INSIG1: variants seen among roughly 807,000 people sequenced by gnomAD.
INSIG1 encodes the protein insulin-induced gene 1 protein.
Under a neutral mutation model 26.5 loss-of-function variants are expected in INSIG1, and 14 were observed. The ratio of observed to expected loss-of-function variants is 0.53; its 90% CI spans 0.35 to 0.83. The LOEUF (loss-of-function observed/expected upper bound fraction) is 0.83. INSIG1 is among the 40% of genes least tolerant of loss of function. The pLI, the probability that INSIG1 is intolerant of heterozygous loss-of-function variation, is 0.01. For missense variants in INSIG1, 272 were observed against 368.9 expected, an observed-to-expected ratio of 0.74 and a Z score of 2.15; for synonymous variants, 147 against 153.3, an observed-to-expected ratio of 0.96 and a Z score of 0.30.
chr7:155,301,358 G>C (rs900196761), intron 2 of INSIG1, among the ~76,000 whole-genome samples: 1 of 151,730 alleles, frequency 6.6e-6, no homozygotes, highest in Non-Finnish European at 1.5e-5. Flanking sequence ...AAATAATAGT[G>C]ATTTTTAAAA....
intron 2 of INSIG1, among the ~76,000 whole-genome samples, chr7:155,299,690 T>C (rs936322798): frequency 1.1e-4 from 17 of 152,218 alleles, no homozygotes; most frequent in African/African-American, 4.1e-4. Flanking sequence ...CTGACGTTTG[T>C]CAGCTGACTG....
At chr7:155,304,041 G>A in intron 5 of INSIG1, 1 of 296,442 alleles carries the variant, frequency 3.4e-6, no homozygotes, top group Non-Finnish European at 6.3e-6. Flanking sequence ...ATAGCTCACT[G>A]TAACCTTGAG....
intron 1 of INSIG1, 94 bp downstream of exon 1, chr7:155,298,053 T>C (rs1750916121): frequency 2.6e-6 from 1 of 391,878 alleles, no homozygotes; most frequent in African/African-American, 2.1e-5. Context: ...CCCTGTTGGG[T>C]CTTTGGGACG....
At chr7:155,303,735 C>T in intron 5 of INSIG1, 1 of 573,868 alleles carries the variant, frequency 1.7e-6, no homozygotes, top group Non-Finnish European at 2.8e-6. Context: ...ACAACAAAAA[C>T]CTAGAGCTGT....
intron 2 of INSIG1, 66 bp downstream of exon 2, chr7:155,298,763 G>C (rs1026876707): frequency 7.1e-7 from 1 of 1,415,656 alleles, no homozygotes; most frequent in Non-Finnish European, 9.6e-7. Context: ...GTACTTTTCA[G>C]CCTATAAGAA....
rs2150904535 is a variant in INSIG1, at chr7:155,309,199, G to T, written c.*929G>T. 6.5e-6 allele frequency: 1 copy of T among 152,682 alleles called. No homozygotes were observed. Among genetic ancestry groups the T allele is most frequent in the Non-Finnish European group, 1.5e-5 (1 of 68,014 alleles). 9.5% of individuals were successfully genotyped at this position (152,682 alleles called of 1,614,324 possible). A position where few individuals can be genotyped will look rare whatever the true frequency, so the allele number is the denominator to read the frequency against. ...CATATGGCACTGCATTAAACGTGTG[G>T]TGTTTCTAGTCAATGATATTGGTGA... On this transcript the variant is annotated 3_prime_UTR_variant, in exon 6 of 6. Coordinates refer to ENST00000340368, the MANE Select transcript of INSIG1 (RefSeq NM_005542.6).
Position 155,301,558 on chromosome 7 carries a change from T to A in INSIG1, c.413-8T>A, listed in dbSNP as rs1797785463. On this transcript the variant is annotated splice_region_variant and splice_polypyrimidine_tract_variant and intron_variant, in intron 2 of 5. Transcript: ENST00000340368. Reference sequence around the variant, plus strand: ...TGTATTCTAACATTGTCAACTTTTTTAAAACAGCTGTTGTTGGCCTACTGT... The same window carrying A: ...TGTATTCTAACATTGTCAACTTTTTAAAAACAGCTGTTGTTGGCCTACTGT... 3.8e-6 allele frequency: 6 copies of A among 1,598,016 alleles called. No homozygotes were observed. In the African/African-American group the frequency reaches 4.0e-5, roughly 11 times the overall value.
At chr7:155,307,174 T>A (rs1797959122) in intron 5 of INSIG1, among the ~76,000 whole-genome samples, 1 of 152,234 alleles carries the variant, frequency 6.6e-6, no homozygotes, top group Non-Finnish European at 1.5e-5. Context: ...TGCTTTCACA[T>A]GATCAATTCC....
chr7:155,302,259 T>C lies in INSIG1; in HGVS notation c.546T>C (p.Asp182=). 6.4e-7 allele frequency: 1 copy of C among 1,555,878 alleles called. No individual in the cohort carries two copies. The highest frequency in any genetic ancestry group is 8.6e-7 in the Non-Finnish European group (1 of 1,156,178). ...AACTTTTATATCACCAGAAATTGGA[T>C]TTTGCCAATAATGTCCAGCTGTCCT... ...VGINHASAKL[D]FANNVQLSLT... The change falls in exon 4 of 6, where the codon GAT becomes GAC. Residue 182 remains aspartate (D), a synonymous_variant. Transcript: ENST00000340368. This position sits in a 1 kb window ranked among gnomAD's most constrained non-coding sequence, Gnocchi z 4.3.
At position 155,308,395 on chromosome 7, in the gene INSIG1, T is replaced by C. The variant is rs367683621; in HGVS notation, c.*125T>C. 6.4e-5 allele frequency: 76 copies of C among 1,182,360 alleles called. No individual in the cohort carries two copies. In the African/African-American group the frequency reaches 1.1e-3, roughly 17 times the overall value. 73.2% of individuals were successfully genotyped at this position (1,182,360 alleles called of 1,614,324 possible). A position where few individuals can be genotyped will look rare whatever the true frequency, so the allele number is the denominator to read the frequency against. On this transcript the variant is annotated 3_prime_UTR_variant, in exon 6 of 6. Coordinates refer to ENST00000340368, the MANE Select transcript of INSIG1 (RefSeq NM_005542.6). ...AGATCGGGCTGACTGTACAAATGAC[T>C]CCTGGAAAAAACTCTTCACCTAGTC...
At chr7:155,304,478 C>T (rs1797881684) in intron 5 of INSIG1, among the ~76,000 whole-genome samples, 1 of 152,196 alleles carries the variant, frequency 6.6e-6, no homozygotes, top group Non-Finnish European at 1.5e-5. Flanking sequence ...ACTAATTACA[C>T]ATTATAACTA....
At position 155,298,262 on chromosome 7, in the gene INSIG1, G is replaced by A. The variant is rs752699438; in HGVS notation, c.-24G>A. 2.1e-6 allele frequency: 3 copies of A among 1,461,100 alleles called. No individual in the cohort carries two copies. The South Asian group carries it at 4.4e-5, about 22-fold the overall frequency. 90.5% of individuals were successfully genotyped at this position (1,461,100 alleles called of 1,614,324 possible). Reference sequence around the variant, plus strand: ...CTTGATGACCCCCTTCTTCCAGGAAGCGCCTCTTGGACGCGTGTGACCGAT... The same window carrying A: ...CTTGATGACCCCCTTCTTCCAGGAAACGCCTCTTGGACGCGTGTGACCGAT... On this transcript the variant is annotated 5_prime_UTR_variant, in exon 2 of 6. Coordinates refer to ENST00000340368, the MANE Select transcript of INSIG1 (RefSeq NM_005542.6).
At position 155,297,913 on chromosome 7, in the gene INSIG1, G is replaced by C. The variant is rs986729000; in HGVS notation, c.-74G>C. On this transcript the variant is annotated 5_prime_UTR_variant, in exon 1 of 6. Transcript: ENST00000340368. ...CGGGCCGTGACTCCTCCTTTCCCCC[G>C]CCCCGCCTCCGTTCGGAGAGCCGGC... The C allele has an allele frequency of 1.8e-5, 3 of 166,068 alleles. No individual in the cohort carries two copies. The highest frequency in any genetic ancestry group is 7.1e-5 in the African/African-American group (3 of 41,974). The allele number at this position is 166,068 out of a possible 1,614,324, so 10.3% of individuals were successfully genotyped here.
chr7:155,301,384 T>G (rs1357327898), intron 2 of INSIG1, among the ~76,000 whole-genome samples, 182 bp from the exon 3 acceptor site: 3 of 152,212 alleles, frequency 2.0e-5, no homozygotes, highest in African/African-American at 7.2e-5. Context: ...TTCCAAACAG[T>G]ACAATTTTGT....
At position 155,302,739 on chromosome 7, in the gene INSIG1, C is replaced by T. The variant is rs202139336; in HGVS notation, c.705-8C>T. On this transcript the variant is annotated splice_region_variant and splice_polypyrimidine_tract_variant and intron_variant, in intron 4 of 5. Transcript: ENST00000340368. The surrounding 1 kb of genome is among the most constrained non-coding windows in gnomAD (Gnocchi z 4.3). ...ACTGCTAAGGTACAGTTTCTTTTCT[C>T]GCTCCAGGTATACATCCCCAGATTT... 85 of 1,573,266 alleles carry T rather than the reference C, an allele frequency of 5.4e-5. 1 individual carries two copies. In the South Asian group the frequency reaches 5.7e-4, roughly 10 times the overall value.
chr7:155,301,151 G>A (rs1269069103), intron 2 of INSIG1, among the ~76,000 whole-genome samples: 36 of 152,172 alleles, frequency 2.4e-4, no homozygotes, highest in Admixed American at 2.4e-3. Flanking sequence ...GACAGGGTGT[G>A]GACAGATGCT....
At position 155,301,708 on chromosome 7, in the gene INSIG1, T is replaced by G; in HGVS notation, c.537+18T>G. ...CCAGTGCTGTATCCTTAATTTTCTG[T>G]GCTACGTCCAGAGTATCTTCTTAGG... On this transcript the variant is annotated intron_variant, in intron 3 of 5. Transcript: ENST00000340368. 2 of 1,542,426 alleles carry G rather than the reference T, an allele frequency of 1.3e-6. No homozygotes were observed. The highest frequency in any genetic ancestry group is 1.8e-6 in the Non-Finnish European group (2 of 1,136,044).
At chr7:155,307,371 TAAAG>T (rs1340286523) in intron 5 of INSIG1, among the ~76,000 whole-genome samples, 1 of 152,190 alleles carries the variant, frequency 6.6e-6, no homozygotes, top group African/African-American at 2.4e-5. Context: ...TCCTTCCTCT[TAAAG>T]TGAGTGGAGG....
In INSIG1 at chr7:155,302,509, G is replaced by T; in HGVS notation, c.704+92G>T. The T allele has an allele frequency of 8.0e-7, 1 of 1,252,450 alleles. No individual in the cohort carries two copies. Among genetic ancestry groups the T allele is most frequent in the Non-Finnish European group, 1.1e-6 (1 of 926,258 alleles). The allele number at this position is 1,252,450 out of a possible 1,614,324, so 77.6% of individuals were successfully genotyped here. A position where few individuals can be genotyped will look rare whatever the true frequency, so the allele number is the denominator to read the frequency against. On this transcript the variant is annotated intron_variant, in intron 4 of 5. Transcript: ENST00000340368. The surrounding 1 kb of genome is among the most constrained non-coding windows in gnomAD (Gnocchi z 4.3). Reference sequence around the variant, plus strand: ...GCTTAGATATTTTCATATTTTATTTGTTTTTTATATAGAATGATACAGATT... The same window carrying T: ...GCTTAGATATTTTCATATTTTATTTTTTTTTTATATAGAATGATACAGATT...
Sources: allele counts gnomAD v4.1 joint callset (sites outside exome capture counted in the v4.1 genomes callset), GRCh38; gene constraint gnomAD v4.1.1; non-coding constraint Gnocchi (gnomAD v3.1); transcripts MANE v1.5; gene names NCBI Gene and HGNC (gene_info 2026-07-23, HGNC 2026-07-21).